ANKRD17: variants seen among roughly 807,000 people sequenced by gnomAD.
The protein encoded by ANKRD17 is ankyrin repeat domain-containing protein 17.
In ANKRD17, 19 loss-of-function variants were observed where a neutral mutation model predicts 229.7. The observed-to-expected ratio is 0.08, with a 90% confidence interval of 0.06 to 0.12. The LOEUF is 0.12. Among genes scored for constraint, ANKRD17 ranks in the 10% least tolerant of loss-of-function variants. The pLI, the probability that ANKRD17 is intolerant of heterozygous loss-of-function variation, is 1.00. For missense variants in ANKRD17, 2,176 were observed against 3,176.8 expected (o/e 0.68, Z 7.57); for synonymous variants, 1,112 against 1,146.1 (o/e 0.97, Z 0.60).
intron 25 of ANKRD17, among the ~76,000 whole-genome samples, chr4:73,099,633 A>G (rs1364772924): frequency 2.6e-5 from 4 of 152,216 alleles, no homozygotes; most frequent in African/African-American, 9.6e-5. Context: ...CTGCCCTAGC[A>G]GCAGGTGTGG....
chr4:73,199,752 C>G (rs1484464858), intron 1 of ANKRD17, among the ~76,000 whole-genome samples: 2 of 152,144 alleles, frequency 1.3e-5, no homozygotes, highest in African/African-American at 4.8e-5. Context: ...AACGAAAGCT[C>G]AATATGAGTA....
At chr4:73,221,395 T>C (rs1006757641) in intron 1 of ANKRD17, among the ~76,000 whole-genome samples, 1 of 152,036 alleles carries the variant, frequency 6.6e-6, no homozygotes, top group Admixed American at 6.6e-5. Flanking sequence ...AGTGCTCAAG[T>C]AGGATTTCCT....
At chr4:73,251,445 T>C (rs1347789546) in intron 1 of ANKRD17, among the ~76,000 whole-genome samples, 3 of 152,240 alleles carry the variant, frequency 2.0e-5, no homozygotes, top group East Asian at 1.9e-4. Flanking sequence ...TGGACATAAC[T>C]GTACCAGATA....
chr4:73,087,404 G>A (rs1292050003), intron 29 of ANKRD17, among the ~76,000 whole-genome samples: 1 of 152,130 alleles, frequency 6.6e-6, no homozygotes, highest in Non-Finnish European at 1.5e-5. Flanking sequence ...TTGATAAAAT[G>A]CAGTGTGAGG....
rs1406485010 is a variant in ANKRD17, at chr4:73,098,511, T to G, written c.4583A>C (p.Glu1528Ala). ...GGCACTTGGAGGTTCTGTCAAGACT[T>G]CAGGCTCATCTGTAAAAGTAGCAAT... is the stretch of plus-strand genomic sequence containing the variant. Reference protein sequence around the residue: ...KEKLKVEDEPEVLTEPPSATT... With the variant: ...KEKLKVEDEPAVLTEPPSATT... Residue 1528 changes from glutamate (E) to alanine (A), a missense_variant, in exon 26 of 34, where the codon GAA (glutamate) becomes GCA (alanine). By Grantham distance (107) the Glu-to-Ala change is moderately radical. This residue lies in a region of ANKRD17 where 105 missense variants were observed against 118.3 expected (regional missense o/e 0.89). Coordinates refer to ENST00000358602, the MANE Select transcript of ANKRD17 (RefSeq NM_032217.5). 1.2e-6 allele frequency: 2 copies of G among 1,609,770 alleles called. No individual in the cohort carries two copies. The highest frequency in any genetic ancestry group is 1.7e-6 in the Non-Finnish European group (2 of 1,178,754).
rs766199768 is a variant in ANKRD17 at position 73,091,884 on chromosome 4, C to G, written c.5744G>C (p.Gly1915Ala). 1.2e-6 allele frequency: 2 copies of G among 1,614,146 alleles called. No homozygotes were observed. Among genetic ancestry groups the G allele is most frequent in the Non-Finnish European group, 1.7e-6 (2 of 1,180,028 alleles). The stretch of plus-strand genomic sequence containing the variant: ...AGTGGATTGAGCTGGTGGAAAAGTA[C>G]CTCCAAAGTGGGTCATGGGCAACCT... ...PPRLPMTHFG[G>A]TFPPAQSTWG... Residue 1915 changes from glycine (G) to alanine (A), a missense_variant, in exon 29 of 34, where the codon GGT becomes GCT. Around this residue, in one of 18 missense-constraint regions of ANKRD17, gnomAD observed 142 missense variants for 200.4 expected, o/e 0.71. Transcript: ENST00000358602.
At chr4:73,163,955 G>T (rs1462060906) in intron 2 of ANKRD17, among the ~76,000 whole-genome samples, 1 of 152,056 alleles carries the variant, frequency 6.6e-6, no homozygotes, top group African/African-American at 2.4e-5. Context: ...AAAATGTTCA[G>T]AGTAGTCAAA....
intron 1 of ANKRD17, among the ~76,000 whole-genome samples, chr4:73,224,987 G>C (rs1409539045): frequency 6.6e-6 from 1 of 152,160 alleles, no homozygotes; most frequent in African/African-American, 2.4e-5. Flanking sequence ...AAGGGTATGT[G>C]GAATTAATGG....
chr4:73,117,514 A>G (rs564733426), intron 22 of ANKRD17, among the ~76,000 whole-genome samples: 32 of 152,354 alleles, frequency 2.1e-4, no homozygotes, highest in African/African-American at 7.5e-4. Context: ...GCAGCTAGCC[A>G]GTGAGAAGGA....
At position 73,258,363 on chromosome 4, in the gene ANKRD17, A is replaced by G. The variant is rs1354095086; in HGVS notation, c.306T>C (p.Gly102=). The G allele has an allele frequency of 6.4e-7, 1 of 1,562,086 alleles. No homozygotes were observed. The highest frequency in any genetic ancestry group is 1.7e-5 in the Admixed American group (1 of 58,444). The change falls in exon 1 of 34, where the codon GGT becomes GGC. Residue 102 remains glycine, a synonymous_variant. Transcript: ENST00000358602. The part of the protein sequence containing the change: ...SDNSGGGGGG[G]GGGGGGGGTS... ...TGCCGCCGCCGCCACCTCCGCCTCC[A>G]CCGCCGCCTCCACCGCCGCCGCTGT...
chr4:73,240,014 T>C (rs1214785092), intron 1 of ANKRD17, among the ~76,000 whole-genome samples: 1 of 152,194 alleles, frequency 6.6e-6, no homozygotes, highest in Admixed American at 6.5e-5. Context: ...AAATTACTCC[T>C]AGTTCATTTG....
intron 1 of ANKRD17, among the ~76,000 whole-genome samples, chr4:73,226,782 C>T (rs985829694): frequency 1.4e-4 from 22 of 152,104 alleles, no homozygotes; most frequent in African/African-American, 3.6e-4. Flanking sequence ...GGCGCAATCT[C>T]GGCTAACTTG....
chr4:73,147,528 T>C, intron 8 of ANKRD17, 96 bp from the exon 9 acceptor site: 1 of 1,028,204 alleles, frequency 9.7e-7, no homozygotes, highest in Non-Finnish European at 1.3e-6. Flanking sequence ...ATCTTTAAAA[T>C]GAACATTTAT....
chr4:73,247,618 T>C (rs1186250164), intron 1 of ANKRD17, among the ~76,000 whole-genome samples: 1 of 151,986 alleles, frequency 6.6e-6, no homozygotes, highest in African/African-American at 2.4e-5. Context: ...ACACCAACTG[T>C]TAGCAGCATT....
chr4:73,189,124 C>T (rs1736685519), intron 1 of ANKRD17, among the ~76,000 whole-genome samples: 1 of 152,074 alleles, frequency 6.6e-6, no homozygotes, highest in African/African-American at 2.4e-5. Context: ...GAATAGAGCA[C>T]TACTTTTTTA....
At chr4:73,184,250 G>T (rs944264089) in intron 1 of ANKRD17, among the ~76,000 whole-genome samples, 6 of 151,988 alleles carry the variant, frequency 3.9e-5, no homozygotes, top group Non-Finnish European at 8.8e-5. Context: ...GTATATTTTG[G>T]CCGGGTGCGG....
intron 3 of ANKRD17, among the ~76,000 whole-genome samples, chr4:73,160,726 C>T (rs1464719505): frequency 1.3e-5 from 2 of 152,074 alleles, no homozygotes; most frequent in Non-Finnish European, 2.9e-5. Flanking sequence ...GGAACTAGAT[C>T]TATAACTTCT....
intron 1 of ANKRD17, among the ~76,000 whole-genome samples, chr4:73,230,323 A>AT (rs1005354796): frequency 4.5e-4 from 68 of 150,186 alleles, no homozygotes; most frequent in African/African-American, 9.3e-4. Context: ...ATAATTAAAG[A>AT]TTTTTTTTTT....
chr4:73,223,204 T>G (rs1018865341), intron 1 of ANKRD17: 2 of 505,914 alleles, frequency 4.0e-6, no homozygotes, highest in African/African-American at 2.0e-5. Flanking sequence ...CACTGTGTAT[T>G]TTTTAAAGAT....
Sources: allele counts gnomAD v4.1 joint callset (sites outside exome capture counted in the v4.1 genomes callset), GRCh38; gene constraint gnomAD v4.1.1; regional missense constraint gnomAD v4.1.1; transcripts MANE v1.5; gene names NCBI Gene and HGNC (gene_info 2026-07-23, HGNC 2026-07-21).